Variants in ADGRL3 observed in about 807,000 individuals in gnomAD.
ADGRL3 encodes the protein calcium-independent alpha-latrotoxin receptor 3.
ADGRL3 carries 62 observed loss-of-function variants against 153.5 expected under a neutral mutation model. The observed-to-expected ratio is 0.40, with a 90% CI of 0.33 to 0.50. The LOEUF is 0.50. ADGRL3 is among the 20% of genes least tolerant of loss of function. The probability of loss-of-function intolerance (pLI) is 0.47; values close to 1 mark genes in which losing one functional copy is unlikely to be tolerated. For synonymous variants in ADGRL3, 710 were observed against 672.5 expected, an observed-to-expected ratio of 1.06 and a Z score of -0.86; for missense variants, 1,641 against 1,859.4, an observed-to-expected ratio of 0.88 and a Z score of 2.16.
intron 9 of ADGRL3, among the ~76,000 whole-genome samples, chr4:61,828,925 C>T (rs141481324): frequency 6.6e-5 from 10 of 152,260 alleles, no homozygotes; most frequent in African/African-American, 2.2e-4. Flanking sequence ...TTTTTCTCCT[C>T]TTCCCTTACC....
At position 61,884,560 on chromosome 4, in the gene ADGRL3, C is replaced by T. The variant is rs1308985759; in HGVS notation, c.1481-8096C>T. On this transcript the variant is annotated intron_variant, in intron 9 of 26. Coordinates refer to ENST00000683033, the MANE Select transcript of ADGRL3 (RefSeq NM_001387552.1). ...ACTGCCGTAAACAAAAATAAATTAG[C>T]TCTATAAAGATTACTTCCTCTACTC... Among the ~76,000 whole-genome samples the T allele has an allele frequency of 6.2e-4, 94 of 152,076 alleles. 3 individuals carry two copies. The highest frequency in any genetic ancestry group is 6.2e-3 in the Admixed American group (94 of 15,268).
chr4:61,538,198 G>A (rs914689589), intron 4 of ADGRL3, among the ~76,000 whole-genome samples: 4 of 152,172 alleles, frequency 2.6e-5, no homozygotes, highest in Non-Finnish European at 5.9e-5. Flanking sequence ...TGTTTGTTGT[G>A]TATATTTTGG....
chr4:61,445,085 G>A (rs2097567688), intron 2 of ADGRL3, among the ~76,000 whole-genome samples: 1 of 151,974 alleles, frequency 6.6e-6, no homozygotes, highest in African/African-American at 2.4e-5. Flanking sequence ...CTTCAAATGT[G>A]GAGGATAATT....
intron 8 of ADGRL3, among the ~76,000 whole-genome samples, chr4:61,792,305 A>G (rs1401354876): frequency 6.6e-6 from 1 of 152,118 alleles, no homozygotes; most frequent in African/African-American, 2.4e-5. Flanking sequence ...AAATGCCACC[A>G]ATCTCTTTGC....
chr4:61,748,264 A>G (rs922535818), intron 8 of ADGRL3, among the ~76,000 whole-genome samples: 25 of 152,262 alleles, frequency 1.6e-4, no homozygotes, highest in Non-Finnish European at 1.8e-4. Context: ...AATCAATATC[A>G]TGAAAATGAC....
At chr4:61,844,546 CAAAAAAAAAAAAAA>C (rs71604517) in intron 9 of ADGRL3, among the ~76,000 whole-genome samples, 1 of 17,546 alleles carries the variant, frequency 5.7e-5, no homozygotes, top group Non-Finnish European at 8.5e-5. Flanking sequence ...GACTGCATCT[CAAAAAAAAAAAAAA>C]AAAAAAAAAA....
chr4:61,832,584 T>C (rs190194507), intron 9 of ADGRL3, among the ~76,000 whole-genome samples: 355 of 152,236 alleles, frequency 2.3e-3, no homozygotes, highest in African/African-American at 7.9e-3. Context: ...CAAAGCACCA[T>C]ATTGTGGGGA....
At chr4:61,741,748 A>G (rs2096583179) in intron 8 of ADGRL3, among the ~76,000 whole-genome samples, 1 of 152,244 alleles carries the variant, frequency 6.6e-6, no homozygotes, top group African/African-American at 2.4e-5. Context: ...ACTTAACTAT[A>G]CAGCTGAACC....
At chr4:61,315,711 T>A (rs1376603063) in intron 1 of ADGRL3, among the ~76,000 whole-genome samples, 1 of 152,172 alleles carries the variant, frequency 6.6e-6, no homozygotes, top group Non-Finnish European at 1.5e-5. Context: ...TTGAATGGGC[T>A]GTTTAGGGCT....
intron 4 of ADGRL3, among the ~76,000 whole-genome samples, chr4:61,566,950 T>C (rs1030095939): frequency 6.6e-6 from 1 of 152,184 alleles, no homozygotes; most frequent in Non-Finnish European, 1.5e-5. Context: ...CATCTTGGAC[T>C]CCAAGCTTTA....
At chr4:61,363,507 C>G (rs186170304) in intron 1 of ADGRL3, among the ~76,000 whole-genome samples, 2 of 152,086 alleles carry the variant, frequency 1.3e-5, no homozygotes. Flanking sequence ...TATTTCTCTC[C>G]TTTTTGAGTA....
At chr4:61,648,516 A>AT (rs1290772220) in intron 5 of ADGRL3, among the ~76,000 whole-genome samples, 7 of 127,402 alleles carry the variant, frequency 5.5e-5, no homozygotes, top group Non-Finnish European at 1.2e-4. Flanking sequence ...TGCATTAGGA[A>AT]TTTTTTTGTT....
At chr4:61,314,239 C>T (rs1394810838) in intron 1 of ADGRL3, among the ~76,000 whole-genome samples, 15 of 141,962 alleles carry the variant, frequency 1.1e-4, no homozygotes, top group African/African-American at 3.4e-4. Context: ...GATTGAGTTT[C>T]GCTCTTGTTG....
chr4:61,211,543 A>C (rs1740015021), intron 1 of ADGRL3: 3 of 152,232 alleles, frequency 2.0e-5, no homozygotes, highest in Admixed American at 2.0e-4. Flanking sequence ...ATAGTATCTG[A>C]ATAGTTATTT....
chr4:61,515,087 G>T (rs1204699365), intron 3 of ADGRL3, among the ~76,000 whole-genome samples: 1 of 152,042 alleles, frequency 6.6e-6, no homozygotes, highest in African/African-American at 2.4e-5. Context: ...TAAACAGATT[G>T]TCTTAAAACT....
intron 9 of ADGRL3, among the ~76,000 whole-genome samples, chr4:61,828,543 A>G (rs1338870022): frequency 6.6e-6 from 1 of 152,182 alleles, no homozygotes; most frequent in Non-Finnish European, 1.5e-5. Context: ...GCAAATCTTC[A>G]GAGTTTAAAA....
intron 4 of ADGRL3, among the ~76,000 whole-genome samples, chr4:61,581,246 A>G: frequency 6.6e-6 from 1 of 151,846 alleles, no homozygotes; most frequent in South Asian, 2.1e-4. Flanking sequence ...TTACATGATT[A>G]TTCATGAGAG....
rs548271697 is a variant in ADGRL3, at chr4:61,952,475, T to C, written c.2805+4199T>C. Among the ~76,000 whole-genome samples, 15 of 145,888 alleles carry C rather than the reference T, an allele frequency of 1.0e-4. No homozygotes were observed. The South Asian group carries it at 3.3e-3, about 32-fold the overall frequency. On this transcript the variant is annotated intron_variant, in intron 17 of 26. Coordinates refer to ENST00000683033, the MANE Select transcript of ADGRL3 (RefSeq NM_001387552.1). Reference sequence around the variant, plus strand: ...GTCTGGGCAACAGAGTGAGACCCTGTCTCAAAAAAAAAAAAAAAACAATTT... The same window carrying C: ...GTCTGGGCAACAGAGTGAGACCCTGCCTCAAAAAAAAAAAAAAAACAATTT...
chr4:62,070,172 A>G lies in ADGRL3; in HGVS notation c.3896A>G (p.His1299Arg), dbSNP rs756748154. ...GATACTCTACCACTGAATGGTAACC[A>G]TGGCAATAGTTACAGCATTGCCAGC... ...VMDTLPLNGNHGNSYSIASGE... is the reference protein window; with the variant it reads ...VMDTLPLNGNRGNSYSIASGE... Residue 1299 changes from histidine to arginine, a missense_variant, in exon 27 of 27, where the codon CAT becomes CGT. By Grantham distance (29) the His-to-Arg change is conservative (BLOSUM62 0). Coordinates refer to ENST00000683033, the MANE Select transcript of ADGRL3 (RefSeq NM_001387552.1). 4 of 1,614,044 alleles carry G rather than the reference A, an allele frequency of 2.5e-6. No homozygotes were observed. Among genetic ancestry groups the G allele is most frequent in the East Asian group, 2.2e-5 (1 of 44,840 alleles).
Sources: allele counts gnomAD v4.1 joint callset (sites outside exome capture counted in the v4.1 genomes callset), GRCh38; gene constraint gnomAD v4.1.1; transcripts MANE v1.5; gene names NCBI Gene and HGNC (gene_info 2026-07-23, HGNC 2026-07-21).